CSMD1: variants seen among roughly 807,000 people sequenced by gnomAD.
CSMD1 encodes CUB and Sushi multiple domains 1.
In CSMD1, 213 loss-of-function variants were observed where a neutral mutation model predicts 417.5. That is an observed-to-expected ratio of 0.51 (90% confidence interval 0.46 to 0.57). CSMD1 has a LOEUF of 0.57. CSMD1 is among the 20% of genes least tolerant of loss of function. The pLI is 0.00. For missense variants in CSMD1, 6,923 were observed against 4,529.7 expected (o/e 1.53, Z -15.17); for synonymous variants, 2,862 against 1,736.8 (o/e 1.65, Z -16.11).
intron 3 of CSMD1, among the ~76,000 whole-genome samples, chr8:4,385,208 A>G (rs11783998): frequency 0.85 from 129,185 of 152,158 alleles, 55,319 homozygotes; most frequent in African/African-American, 0.95. Flanking sequence ...GATTACAGGC[A>G]TGAGCCACTG....
chr8:3,581,604 T>G (rs1005901352), intron 9 of CSMD1, among the ~76,000 whole-genome samples: 15 of 152,144 alleles, frequency 9.9e-5, no homozygotes, highest in African/African-American at 2.4e-5. Context: ...AATAGGAACC[T>G]TGAGAATCAG....
intron 12 of CSMD1, among the ~76,000 whole-genome samples, chr8:3,440,268 C>G (rs1468518346): frequency 2.0e-5 from 3 of 152,164 alleles, no homozygotes; most frequent in Non-Finnish European, 4.4e-5. Flanking sequence ...CTCTGAGTGT[C>G]CCAATACATG....
chr8:4,598,213 T>A (rs1178009235), intron 2 of CSMD1, among the ~76,000 whole-genome samples: 4 of 152,168 alleles, frequency 2.6e-5, no homozygotes, highest in Non-Finnish European at 4.4e-5. Context: ...GGATGAATAT[T>A]TACATGCCTG....
chr8:3,845,393 G>C (rs924306618), intron 5 of CSMD1, among the ~76,000 whole-genome samples: 1 of 152,160 alleles, frequency 6.6e-6, no homozygotes, highest in South Asian at 2.1e-4. Context: ...CCTGAATACT[G>C]AAGGCAATGG....
At chr8:3,297,294 G>A (rs773763133) in intron 25 of CSMD1, among the ~76,000 whole-genome samples, 1 of 152,072 alleles carries the variant, frequency 6.6e-6, no homozygotes, top group Non-Finnish European at 1.5e-5. Context: ...AAAAATCCAG[G>A]CAATTTCTTT....
chr8:3,083,991 T>C (rs915239457), intron 49 of CSMD1, among the ~76,000 whole-genome samples: 6 of 152,092 alleles, frequency 3.9e-5, no homozygotes, highest in African/African-American at 1.4e-4. Flanking sequence ...TATTACACTG[T>C]GAATCCCTTG....
intron 5 of CSMD1, among the ~76,000 whole-genome samples, chr8:3,769,657 G>C (rs528346379): frequency 7.2e-5 from 11 of 152,100 alleles, no homozygotes; most frequent in African/African-American, 2.7e-4. Flanking sequence ...GAATGTTATA[G>C]CTCTTTGTAT....
intron 65 of CSMD1, among the ~76,000 whole-genome samples, chr8:2,952,054 CTTAT>C (rs1563174934): frequency 6.6e-6 from 1 of 152,058 alleles, no homozygotes; most frequent in East Asian, 1.9e-4. Context: ...AAAAAATAAA[CTTAT>C]TTTTCATGTG....
chr8:4,714,342 G>C (rs945380344), intron 1 of CSMD1, among the ~76,000 whole-genome samples: 1 of 151,774 alleles, frequency 6.6e-6, no homozygotes, highest in Non-Finnish European at 1.5e-5. Context: ...CAAAGTTTGG[G>C]GTCAGGGGGT....
intron 3 of CSMD1, among the ~76,000 whole-genome samples, chr8:4,063,686 T>C (rs1426270463): frequency 2.6e-5 from 4 of 152,198 alleles, no homozygotes; most frequent in African/African-American, 7.2e-5. Flanking sequence ...AGGATAAGCA[T>C]GGACCAGGCA....
At chr8:4,125,431 C>G (rs2407301) in intron 3 of CSMD1, among the ~76,000 whole-genome samples, 13 of 152,110 alleles carry the variant, frequency 8.5e-5, no homozygotes, top group African/African-American at 3.1e-4. Flanking sequence ...CATCTTTCAT[C>G]TGTTGCTTGA....
chr8:4,152,999 C>G (rs889088572), intron 3 of CSMD1, among the ~76,000 whole-genome samples: 1 of 152,086 alleles, frequency 6.6e-6, no homozygotes. Context: ...GAACAAATCT[C>G]GTAGCAAGTG....
intron 5 of CSMD1, among the ~76,000 whole-genome samples, chr8:3,755,894 A>T (rs1022456907): frequency 6.6e-6 from 1 of 151,962 alleles, no homozygotes; most frequent in African/African-American, 2.4e-5. Context: ...GACACAGCTG[A>T]CTCCAAGGCA....
In CSMD1 at chr8:3,580,467, C is replaced by G. The variant is rs149079587; in HGVS notation, c.1223-5401G>C. On this transcript the variant is annotated intron_variant, in intron 9 of 69. Transcript: ENST00000635120. ...CTAGGAGAGAAACACCCCTGGCAAGCTCTAGGAATGTAAATAGCACCAACT... is the reference window on the plus strand; with the variant it reads ...CTAGGAGAGAAACACCCCTGGCAAGGTCTAGGAATGTAAATAGCACCAACT... 1.5e-3 allele frequency among the ~76,000 whole-genome samples: 232 copies of G among 152,218 alleles called. 2 individuals carry two copies. Among genetic ancestry groups the G allele is most frequent in the Non-Finnish European group, 2.9e-4 (20 of 68,026 alleles).
intron 7 of CSMD1, among the ~76,000 whole-genome samples, chr8:3,669,108 G>T (rs1422401717): frequency 6.6e-6 from 1 of 152,166 alleles, no homozygotes; most frequent in Admixed American, 6.5e-5. Context: ...TTAACGTACA[G>T]AAAAATTAGT....
At chr8:3,830,453 A>C (rs1802311477) in intron 5 of CSMD1, among the ~76,000 whole-genome samples, 1 of 152,224 alleles carries the variant, frequency 6.6e-6, no homozygotes, top group South Asian at 2.1e-4. Flanking sequence ...GATTGTTTTA[A>C]CACCATTTCT....
chr8:3,243,239 C>CT (rs1020664740), intron 26 of CSMD1, among the ~76,000 whole-genome samples: 9 of 152,030 alleles, frequency 5.9e-5, no homozygotes, highest in African/African-American at 2.2e-4. Flanking sequence ...GTAGGTGGAT[C>CT]TTTTTCACGG....
At chr8:3,644,883 T>C (rs570392970) in intron 7 of CSMD1, among the ~76,000 whole-genome samples, 1 of 145,530 alleles carries the variant, frequency 6.9e-6, no homozygotes, top group Admixed American at 7.1e-5. Context: ...GCATCTGCCA[T>C]GCAGTGATTA....
intron 7 of CSMD1, among the ~76,000 whole-genome samples, chr8:3,690,181 A>G (rs2129032422): frequency 6.6e-6 from 1 of 152,308 alleles, no homozygotes; most frequent in South Asian, 2.1e-4. Flanking sequence ...CAACAGGGCA[A>G]GGCCCTGTCT....
Sources: allele counts gnomAD v4.1 joint callset (sites outside exome capture counted in the v4.1 genomes callset), GRCh38; gene constraint gnomAD v4.1.1; transcripts MANE v1.5; gene names NCBI Gene and HGNC (gene_info 2026-07-23, HGNC 2026-07-21).